SPSB1: variants seen among roughly 807,000 people sequenced by gnomAD.
SPSB1 encodes SPRY domain-containing SOCS box protein 1.
SPSB1 carries 8 observed loss-of-function variants against 21.2 expected under a neutral mutation model. The observed-to-expected ratio is 0.38, with a 90% CI of 0.22 to 0.68. The LOEUF (loss-of-function observed/expected upper bound fraction) is 0.68, where lower values mean the gene tolerates loss of function less well. Ranked by LOEUF, SPSB1 falls within the 30% of genes least tolerant of loss-of-function variation. The probability of loss-of-function intolerance (pLI) is 0.53; values close to 1 mark genes in which losing one functional copy is unlikely to be tolerated. For missense variants in SPSB1, 242 were observed against 377.8 expected, an observed-to-expected ratio of 0.64 and a Z score of 2.98; for synonymous variants, 169 against 161.7, an observed-to-expected ratio of 1.05 and a Z score of -0.34.
intron 1 of SPSB1, among the ~76,000 whole-genome samples, chr1:9,294,261 CGT>C (rs962868927): frequency 1.3e-5 from 1 of 76,184 alleles, no homozygotes; most frequent in Admixed American, 1.5e-4. Flanking sequence ...TGTGTCCACA[CGT>C]GTCTCTGTGT....
In SPSB1 at chr1:9,367,389, C is replaced by A; in HGVS notation, c.695-59C>A. The A allele has an allele frequency of 1.2e-6, 2 of 1,610,666 alleles. No individual in the cohort carries two copies. Among genetic ancestry groups the A allele is most frequent in the Non-Finnish European group, 8.5e-7 (1 of 1,179,378 alleles). On this transcript the variant is annotated intron_variant, in intron 2 of 2. Transcript: ENST00000328089. The surrounding 1 kb of genome is among the most constrained non-coding windows in gnomAD (Gnocchi z 5.9). ...GTGATAATATTGCTGCTGTGGTTAG[C>A]GCTGTTTGCTGAACACCCACCCAAG... is the stretch of plus-strand genomic sequence containing the variant.
intron 1 of SPSB1, among the ~76,000 whole-genome samples, chr1:9,342,996 C>T (rs1479595303): frequency 6.6e-6 from 1 of 152,210 alleles, no homozygotes; most frequent in African/African-American, 2.4e-5. Flanking sequence ...TCCACACCCA[C>T]CCCCTGTCCA....
chr1:9,309,297 A>T (rs1383025862), intron 1 of SPSB1, among the ~76,000 whole-genome samples: 48 of 112,108 alleles, frequency 4.3e-4, no homozygotes, highest in African/African-American at 1.8e-3. Context: ...AGAGAGAGAG[A>T]GAGAGTGTGT....
At chr1:9,351,824 GC>G in intron 1 of SPSB1, among the ~76,000 whole-genome samples, 1 of 152,330 alleles carries the variant, frequency 6.6e-6, no homozygotes, top group African/African-American at 2.4e-5. Flanking sequence ...TAGCCCTAGG[GC>G]CACCACAGTG....
chr1:9,353,730 A>C (rs1265201929), intron 1 of SPSB1, among the ~76,000 whole-genome samples: 2 of 151,968 alleles, frequency 1.3e-5, no homozygotes, highest in African/African-American at 4.8e-5. Context: ...ACCAGCCTGG[A>C]CAACATGGTG....
At chr1:9,357,964 G>A (rs1314675937) in intron 2 of SPSB1, among the ~76,000 whole-genome samples, 3 of 152,190 alleles carry the variant, frequency 2.0e-5, no homozygotes, top group African/African-American at 7.2e-5. Context: ...TTAAAGGGCA[G>A]GTTCAGCTCA....
chr1:9,300,531 A>T (rs1015166312), intron 1 of SPSB1, among the ~76,000 whole-genome samples: 2 of 152,226 alleles, frequency 1.3e-5, no homozygotes, highest in Admixed American at 1.3e-4. Flanking sequence ...CCCTGCCATC[A>T]TCCACAAATA....
In SPSB1 at chr1:9,356,593, TCTC is replaced by T. The variant is rs1640366690; in HGVS notation, c.694+12_694+14del. Reference sequence around the variant, plus strand: ...ACTTGAACGGACTCGATCGTAAGTGTCTCCTCTGCTGTCAGAGGCAATGCCCTC... The same window carrying T: ...ACTTGAACGGACTCGATCGTAAGTGTCTCTGCTGTCAGAGGCAATGCCCTC... On this transcript the variant is annotated intron_variant, in intron 2 of 2. Coordinates refer to ENST00000328089, the MANE Select transcript of SPSB1 (RefSeq NM_025106.4). This position sits in a 1 kb window ranked among gnomAD's most constrained non-coding sequence, Gnocchi z 7.4. 4 of 1,574,756 alleles carry T rather than the reference TCTC, an allele frequency of 2.5e-6. No homozygotes were observed. Among genetic ancestry groups the T allele is most frequent in the Non-Finnish European group, 3.5e-6 (4 of 1,156,338 alleles).
intron 1 of SPSB1, among the ~76,000 whole-genome samples, chr1:9,307,146 T>C (rs992959358): frequency 6.6e-6 from 1 of 152,138 alleles, no homozygotes; most frequent in South Asian, 2.1e-4. Flanking sequence ...CAGGCCGGTC[T>C]CGAACTCCTG....
chr1:9,339,379 G>C, intron 1 of SPSB1: 1 of 860,134 alleles, frequency 1.2e-6, no homozygotes, highest in Non-Finnish European at 1.4e-6. Flanking sequence ...GCCAGGCCAG[G>C]TTCTGGCAGG....
Position 9,364,033 on chromosome 1 carries a change from C to T in SPSB1, c.695-3415C>T, listed in dbSNP as rs372659333. Among the ~76,000 whole-genome samples the T allele has an allele frequency of 5.9e-5, 9 of 152,222 alleles. No homozygotes were observed. The South Asian group carries it at 1.0e-3, about 17-fold the overall frequency. ...TTTCTTCATGGGTTGATTGGAAACC[C>T]GTTACACCAAGAGGGTAGTGACTGA... is the stretch of plus-strand genomic sequence containing the variant. On this transcript the variant is annotated intron_variant, in intron 2 of 2. Transcript: ENST00000328089.
At chr1:9,315,628 A>G (rs72858166) in intron 1 of SPSB1, among the ~76,000 whole-genome samples, 1 of 152,214 alleles carries the variant, frequency 6.6e-6, no homozygotes, top group African/African-American at 2.4e-5. Flanking sequence ...GCCTGATGCC[A>G]GTGACCTTGC....
rs72860849 is a variant in SPSB1 at position 9,325,016 on chromosome 1, C to A, written c.-149-30727C>A. On this transcript the variant is annotated intron_variant, in intron 1 of 2. Transcript: ENST00000328089. The stretch of plus-strand genomic sequence containing the variant: ...AGGCAGCCCCATTGGGAGCCACAGC[C>A]ACTCACTGGCTGCTGCCTCCTGAAT... Among the ~76,000 whole-genome samples, 913 of 152,356 alleles carry A rather than the reference C, an allele frequency of 6.0e-3. 7 individuals are homozygous for A. The highest frequency in any genetic ancestry group is 0.02 in the African/African-American group (852 of 41,590).
intron 1 of SPSB1, chr1:9,294,538 T>C (rs72858135): frequency 0.026 from 3,958 of 152,324 alleles, 178 homozygotes; most frequent in African/African-American, 0.088. Flanking sequence ...CCTCTCTCCA[T>C]TTCTCTGAAA....
At chr1:9,326,195 A>AT (rs142228148) in intron 1 of SPSB1, among the ~76,000 whole-genome samples, 1,861 of 152,132 alleles carry the variant, frequency 0.012, 45 homozygotes, top group African/African-American at 0.043. Context: ...TTTGGTGCTC[A>AT]TGAGAAGACT....
In SPSB1 at chr1:9,345,033, A is replaced by G. The variant is rs982339467; in HGVS notation, c.-149-10710A>G. ...CCAAGAGACTGCCTTGTTGGGGGAAAGTGGCAGACTTTGGATGCACTCCAG... is the reference window on the plus strand; with the variant it reads ...CCAAGAGACTGCCTTGTTGGGGGAAGGTGGCAGACTTTGGATGCACTCCAG... On this transcript the variant is annotated intron_variant, in intron 1 of 2. Transcript: ENST00000328089. This position sits in a 1 kb window ranked among gnomAD's most constrained non-coding sequence, Gnocchi z 4.8. Among the ~76,000 whole-genome samples the G allele has an allele frequency of 1.3e-5, 2 of 152,162 alleles. No individual in the cohort carries two copies. The highest frequency in any genetic ancestry group is 1.3e-4 in the Admixed American group (2 of 15,284).
In SPSB1 at chr1:9,321,072, G is replaced by A. The variant is rs193179236; in HGVS notation, c.-150+28001G>A. 6.6e-6 allele frequency among the ~76,000 whole-genome samples: 1 copy of A among 152,178 alleles called. No individual in the cohort carries two copies. Among genetic ancestry groups the A allele is most frequent in the East Asian group, 1.9e-4 (1 of 5,196 alleles). On this transcript the variant is annotated intron_variant, in intron 1 of 2. Coordinates refer to ENST00000328089, the MANE Select transcript of SPSB1 (RefSeq NM_025106.4). This position sits in a 1 kb window ranked among gnomAD's most constrained non-coding sequence, Gnocchi z 4.8. ...GGCAGCCGTGTAATTACAGGTACTG[G>A]AAATAGTCCTGTTTCCCTTTCAGCC... is the stretch of plus-strand genomic sequence containing the variant.
intron 1 of SPSB1, among the ~76,000 whole-genome samples, chr1:9,296,913 A>G (rs951892147): frequency 2.0e-5 from 3 of 152,166 alleles, no homozygotes; most frequent in African/African-American, 4.8e-5. Context: ...TGTGTTTTAA[A>G]AGTTCTGTTC....
intron 1 of SPSB1, among the ~76,000 whole-genome samples, chr1:9,306,940 T>TC (rs1302366946): frequency 7.3e-5 from 11 of 151,364 alleles, no homozygotes; most frequent in African/African-American, 2.7e-4. Context: ...CTTTTTTTTT[T>TC]TTTTTTAAGT....
Sources: gnomAD v4.1 joint callset for allele counts (sites outside exome capture counted in the v4.1 genomes callset) on GRCh38, gnomAD v4.1.1 for gene constraint, Gnocchi (gnomAD v3.1) non-coding constraint, MANE v1.5 for transcripts, NCBI Gene and HGNC (gene_info 2026-07-23, HGNC 2026-07-21) for gene names.